The following NME7 variants were observed in gnomAD, a reference collection of about 807,000 sequenced individuals.
NME7 encodes NME/NM23 family member 7.
NME7 carries 41 observed loss-of-function variants against 49.1 expected under a neutral mutation model. The observed-to-expected ratio is 0.83, with a 90% CI of 0.65 to 1.08. The LOEUF is 1.08. Among genes scored for constraint, NME7 ranks in the 50% least tolerant of loss-of-function variants. NME7 has a pLI of 0.00. For missense variants in NME7, 423 were observed against 463.4 expected (o/e 0.91, Z 0.80); for synonymous variants, 139 against 150.6 (o/e 0.92, Z 0.56).
intron 1 of NME7, among the ~76,000 whole-genome samples, chr1:169,335,616 C>A (rs1023619478): frequency 2.0e-4 from 30 of 151,282 alleles, no homozygotes; most frequent in African/African-American, 7.3e-4. Flanking sequence ...ATCACCATGG[C>A]ACATGTGTAC....
At chr1:169,318,766 T>C (rs1277430559) in intron 3 of NME7, among the ~76,000 whole-genome samples, 1 of 151,576 alleles carries the variant, frequency 6.6e-6, no homozygotes. Flanking sequence ...TGGGAGAGTA[T>C]ATAGAATGAG....
intron 4 of NME7, chr1:169,303,443 G>A (rs1013900246): frequency 1.2e-5 from 2 of 164,034 alleles, no homozygotes; most frequent in African/African-American, 5.1e-5. Flanking sequence ...GTTATATATT[G>A]TCTATCTTCT....
At chr1:169,324,563 T>C (rs1651984495) in intron 1 of NME7, 63 bp from the exon 2 acceptor site, 2 of 981,992 alleles carry the variant, frequency 2.0e-6, no homozygotes, top group Non-Finnish European at 1.6e-6. Context: ...CTTCTGTAAG[T>C]CACACAAAAT....
rs887650015 is a variant in NME7 at position 169,343,133 on chromosome 1, A to C, written c.4-18633T>G. 5.3e-5 allele frequency among the ~76,000 whole-genome samples: 8 copies of C among 150,872 alleles called. No homozygotes were observed. The Admixed American group carries it at 5.3e-4, about 10-fold the overall frequency. Reference sequence around the variant, plus strand: ...GATTTTTTGTTGGGGAGGGAATGGCAACCTTTGGTCACTTGTGTTTTGGTG... The same window carrying C: ...GATTTTTTGTTGGGGAGGGAATGGCCACCTTTGGTCACTTGTGTTTTGGTG... On this transcript the variant is annotated intron_variant, in intron 1 of 11. Coordinates refer to ENST00000367811, the MANE Select transcript of NME7 (RefSeq NM_013330.5).
intron 7 of NME7, among the ~76,000 whole-genome samples, chr1:169,246,457 G>A (rs1324534459): frequency 6.6e-6 from 1 of 152,114 alleles, no homozygotes; most frequent in Non-Finnish European, 1.5e-5. Flanking sequence ...GCTTTTAAAA[G>A]ACAGATTTAA....
At chr1:169,322,416 T>C (rs556156022) in intron 3 of NME7, 1 of 152,278 alleles carries the variant, frequency 6.6e-6, no homozygotes, top group South Asian at 2.1e-4. Context: ...AACTCTTCCT[T>C]TAGACATACC....
chr1:169,363,692 C>A (rs937139646), intron 1 of NME7, among the ~76,000 whole-genome samples: 8 of 152,208 alleles, frequency 5.3e-5, no homozygotes, highest in African/African-American at 1.9e-4. Flanking sequence ...ATACCAATCT[C>A]TTTTCTGCCT....
chr1:169,237,123 C>A (rs1453360281), intron 8 of NME7, among the ~76,000 whole-genome samples: 1 of 151,976 alleles, frequency 6.6e-6, no homozygotes, highest in Admixed American at 6.6e-5. Flanking sequence ...TGCAGCGGTA[C>A]AAGTGCCAAC....
At chr1:169,336,057 A>G (rs1652456293) in intron 1 of NME7, among the ~76,000 whole-genome samples, 1 of 151,464 alleles carries the variant, frequency 6.6e-6, no homozygotes, top group Admixed American at 6.6e-5. Flanking sequence ...TGATGTTCAG[A>G]TGTGTTCGGA....
At chr1:169,260,141 G>A (rs1649115739) in intron 7 of NME7, among the ~76,000 whole-genome samples, 2 of 133,448 alleles carry the variant, frequency 1.5e-5, no homozygotes, top group Non-Finnish European at 3.5e-5. Flanking sequence ...ACTAAAATAA[G>A]TTAGAACTTT....
At chr1:169,222,232 T>G (rs1029017435) in intron 10 of NME7, among the ~76,000 whole-genome samples, 1 of 152,228 alleles carries the variant, frequency 6.6e-6, no homozygotes, top group African/African-American at 2.4e-5. Context: ...TGTCTCCAAC[T>G]AGAATGTAAG....
At chr1:169,172,174 C>T (rs1026722853) in intron 10 of NME7, among the ~76,000 whole-genome samples, 4 of 151,998 alleles carry the variant, frequency 2.6e-5, no homozygotes, top group Admixed American at 6.6e-5. Context: ...ACCCCTACCC[C>T]TTCTGGAGCA....
intron 3 of NME7, among the ~76,000 whole-genome samples, chr1:169,318,050 C>G (rs1383818943): frequency 6.6e-6 from 1 of 152,132 alleles, no homozygotes; most frequent in Non-Finnish European, 1.5e-5. Flanking sequence ...GCAGTGGAAG[C>G]CTGTTTCTCT....
Position 169,132,611 on chromosome 1 carries a change from A to G in NME7, c.*174T>C. 1.8e-6 allele frequency: 1 copy of G among 559,264 alleles called. No individual in the cohort carries two copies. The highest frequency in any genetic ancestry group is 2.8e-5 in the South Asian group (1 of 36,010). The allele number at this position is 559,264 out of a possible 1,614,324, so 34.6% of individuals were successfully genotyped here. ...TAGACTGGTGTTAAATGTTGTCTAC[A>G]GTGCAAAATCCATGTTCTAACATAT... is the stretch of plus-strand genomic sequence containing the variant. On this transcript the variant is annotated 3_prime_UTR_variant, in exon 12 of 12. Coordinates refer to ENST00000367811, the MANE Select transcript of NME7 (RefSeq NM_013330.5).
chr1:169,233,814 T>A (rs1647742344), intron 9 of NME7, among the ~76,000 whole-genome samples: 1 of 152,168 alleles, frequency 6.6e-6, no homozygotes, highest in African/African-American at 2.4e-5. Flanking sequence ...AGCCAAATTT[T>A]CAGAAGGAGC....
At chr1:169,298,507 A>G in intron 6 of NME7, 49 bp downstream of exon 6, 3 of 1,556,480 alleles carry the variant, frequency 1.9e-6, no homozygotes, top group Non-Finnish European at 1.8e-6. Flanking sequence ...TTGATATAAA[A>G]CATTTAACAG....
chr1:169,190,794 G>GTTT (rs1660197969), intron 10 of NME7: 6 of 88,798 alleles, frequency 6.8e-5, no homozygotes, highest in African/African-American at 1.1e-4. Flanking sequence ...CAAGTGAACT[G>GTTT]TTTCTTTTTT....
intron 7 of NME7, 45 bp from the exon 8 acceptor site, chr1:169,237,732 C>T (rs754671846): frequency 6.6e-7 from 1 of 1,510,502 alleles, no homozygotes; most frequent in Non-Finnish European, 9.1e-7. Flanking sequence ...AATTTTAAGA[C>T]ATTTTAGTTT....
intron 1 of NME7, among the ~76,000 whole-genome samples, chr1:169,351,096 A>G (rs975723853): frequency 3.9e-5 from 6 of 152,018 alleles, no homozygotes; most frequent in Non-Finnish European, 8.8e-5. Flanking sequence ...ACACACACAC[A>G]TGCCCTACAA....
Sources: allele counts gnomAD v4.1 joint callset (sites outside exome capture counted in the v4.1 genomes callset), GRCh38; gene constraint gnomAD v4.1.1; transcripts MANE v1.5; gene names NCBI Gene and HGNC (gene_info 2026-07-23, HGNC 2026-07-21).